Variants in RIMS2 observed in about 807,000 individuals in gnomAD.
RIMS2 encodes regulating synaptic membrane exocytosis protein 2.
Under a neutral mutation model 174.4 loss-of-function variants are expected in RIMS2, and 59 were observed. That is an observed-to-expected ratio of 0.34 (90% CI 0.27 to 0.42). The LOEUF is 0.42. Ranked by LOEUF, RIMS2 falls within the 10% of genes least tolerant of loss-of-function variation. The pLI is 1.00. For synonymous variants in RIMS2, 606 were observed against 572.5 expected (o/e 1.06, Z -0.84); for missense variants, 1,620 against 1,666.3 (o/e 0.97, Z 0.48).
At chr8:103,977,652 A>T (rs3919234) in intron 16 of RIMS2, among the ~76,000 whole-genome samples, 62,642 of 151,888 alleles carry the variant, frequency 0.41, 13,531 homozygotes, top group Non-Finnish European at 0.44. Context: ...TTTTAAAGGG[A>T]TAAAGGCTCA....
chr8:103,572,494 T>C (rs1022871732), intron 1 of RIMS2, among the ~76,000 whole-genome samples: 2 of 152,126 alleles, frequency 1.3e-5, no homozygotes, highest in African/African-American at 4.8e-5. Flanking sequence ...CTACAGGGGC[T>C]GAACTAATGG....
intron 2 of RIMS2, among the ~76,000 whole-genome samples, chr8:103,738,144 C>T (rs2097710823): frequency 6.6e-6 from 1 of 152,024 alleles, no homozygotes; most frequent in Non-Finnish European, 1.5e-5. Flanking sequence ...ATAGATATTT[C>T]CTGATATCAC....
chr8:104,083,749 GTATCAGAA>G (rs1399786519), intron 19 of RIMS2, among the ~76,000 whole-genome samples: 1 of 152,066 alleles, frequency 6.6e-6, no homozygotes. Context: ...TTGTATGTAT[GTATCAGAA>G]TATTATTATT....
chr8:103,611,452 A>C (rs535505618), intron 1 of RIMS2, among the ~76,000 whole-genome samples: 1 of 151,574 alleles, frequency 6.6e-6, no homozygotes, highest in South Asian at 2.1e-4. Context: ...TGTTTTTCAG[A>C]TTCAAGAAAA....
chr8:103,765,090 C>G (rs1337138260), intron 2 of RIMS2, among the ~76,000 whole-genome samples: 1 of 152,150 alleles, frequency 6.6e-6, no homozygotes, highest in Non-Finnish European at 1.5e-5. Context: ...TGTGATTATA[C>G]TGTTGTAATT....
chr8:104,088,672 C>T (rs1033072947), intron 19 of RIMS2, among the ~76,000 whole-genome samples: 1 of 151,914 alleles, frequency 6.6e-6, no homozygotes, highest in Non-Finnish European at 1.5e-5. Flanking sequence ...CATAATCCTG[C>T]CCCCATCTTT....
chr8:104,110,627 A>G (rs1451357187), intron 19 of RIMS2, among the ~76,000 whole-genome samples: 2 of 152,180 alleles, frequency 1.3e-5, no homozygotes. Context: ...ATTTAGCTAA[A>G]ATCAGTCAAC....
chr8:103,753,351 G>A (rs886402678), intron 2 of RIMS2, among the ~76,000 whole-genome samples: 3 of 152,104 alleles, frequency 2.0e-5, no homozygotes, highest in African/African-American at 7.2e-5. Context: ...GTTTTATTGA[G>A]GATTTTTGCA....
At chr8:103,885,565 G>T in exon 4 of RIMS2, 1 of 1,612,792 alleles carries the variant, frequency 6.2e-7, no homozygotes, top group Non-Finnish European at 8.5e-7. Context: ...AATACGAAAG[G>T]CAAAGGAGAG....
chr8:103,840,618 A>C (rs181534089), intron 3 of RIMS2, among the ~76,000 whole-genome samples: 1 of 152,110 alleles, frequency 6.6e-6, no homozygotes, highest in Non-Finnish European at 1.5e-5. Context: ...TCGTGGATAC[A>C]TTCCGTTCAT....
At chr8:103,903,991 A>G (rs2073818157) in intron 4 of RIMS2, among the ~76,000 whole-genome samples, 1 of 152,100 alleles carries the variant, frequency 6.6e-6, no homozygotes, top group South Asian at 2.1e-4. Flanking sequence ...GTTCTAGGAC[A>G]TCTTATCACA....
intron 14 of RIMS2, among the ~76,000 whole-genome samples, chr8:103,955,621 G>T (rs2086906929): frequency 6.6e-6 from 1 of 152,026 alleles, no homozygotes; most frequent in South Asian, 2.1e-4. Flanking sequence ...CAAGCAATTT[G>T]TGACAAACCC....
At chr8:104,167,373 G>T (rs1458966976) in intron 19 of RIMS2, among the ~76,000 whole-genome samples, 1 of 152,078 alleles carries the variant, frequency 6.6e-6, no homozygotes, top group Non-Finnish European at 1.5e-5. Context: ...GGCCACTCTT[G>T]CAGGAGTAAG....
rs2098167821 is a variant in RIMS2, at chr8:103,766,092, G to A, written c.388-135G>A. ...AGTATATATTATTTAATTTACAGTA[G>A]CAGTGAATTAGGATTATGTTTTAAC... On this transcript the variant is annotated intron_variant, in intron 2 of 23. Coordinates refer to ENST00000504942, the Ensembl canonical transcript of RIMS2. 1.3e-5 allele frequency: 7 copies of A among 552,356 alleles called. No individual in the cohort carries two copies. In the East Asian group the frequency reaches 2.0e-4, roughly 16 times the overall value. 34.2% of individuals were successfully genotyped at this position (552,356 alleles called of 1,614,324 possible). A position where few individuals can be genotyped will look rare whatever the true frequency, so the allele number is the denominator to read the frequency against.
At chr8:104,032,341 AC>A (rs1436265567) in intron 19 of RIMS2, among the ~76,000 whole-genome samples, 1 of 152,104 alleles carries the variant, frequency 6.6e-6, no homozygotes, top group African/African-American at 2.4e-5. Context: ...GTGAATTGAA[AC>A]AAAGTGTTTT....
intron 2 of RIMS2, among the ~76,000 whole-genome samples, chr8:103,712,642 G>T (rs1227835694): frequency 6.6e-6 from 1 of 152,074 alleles, no homozygotes; most frequent in African/African-American, 2.4e-5. Flanking sequence ...CATAATAGGA[G>T]ACTATACAAC....
chr8:104,129,821 T>A (rs146828598), intron 19 of RIMS2, among the ~76,000 whole-genome samples: 89 of 152,340 alleles, frequency 5.8e-4, no homozygotes, highest in African/African-American at 2.0e-3. Flanking sequence ...GTGTCTTGTA[T>A]TTCTTTTTAA....
chr8:103,611,663 GTTAT>G (rs1160615601), intron 1 of RIMS2, among the ~76,000 whole-genome samples: 1 of 150,046 alleles, frequency 6.7e-6, no homozygotes, highest in Non-Finnish European at 1.5e-5. Flanking sequence ...TACATTGTAT[GTTAT>G]TTGTTACTTT....
chr8:103,743,201 T>G (rs1344225335), intron 2 of RIMS2, among the ~76,000 whole-genome samples: 9 of 152,180 alleles, frequency 5.9e-5, no homozygotes. Flanking sequence ...TCCATTTATG[T>G]CAACATCTAA....
Sources: gnomAD v4.1 joint callset for allele counts (sites outside exome capture counted in the v4.1 genomes callset) on GRCh38, gnomAD v4.1.1 for gene constraint, MANE v1.5 for transcripts, NCBI Gene and HGNC (gene_info 2026-07-23, HGNC 2026-07-21) for gene names.